The following RPS6KA2 variants were observed in gnomAD, a reference collection of about 807,000 sequenced individuals.
RPS6KA2 encodes ribosomal protein S6 kinase alpha-2.
A neutral mutation model predicts 91.8 loss-of-function variants in RPS6KA2; 42 were observed. The ratio of observed to expected loss-of-function variants is 0.46; its 90% CI spans 0.36 to 0.59. The LOEUF is 0.59. RPS6KA2 is among the 20% of genes least tolerant of loss of function. The pLI is 0.00. For synonymous variants in RPS6KA2, 414 were observed against 393.6 expected, an observed-to-expected ratio of 1.05 and a Z score of -0.61; for missense variants, 798 against 978.5, an observed-to-expected ratio of 0.82 and a Z score of 2.46.
chr6:166,603,125 C>T lies in RPS6KA2; in HGVS notation c.99+23796G>A, dbSNP rs1226384202. On this transcript the variant is annotated intron_variant, in intron 1 of 20. Transcript: ENST00000265678. The surrounding 1 kb of genome is among the most constrained non-coding windows in gnomAD (Gnocchi z 4.3). ...GCATCTGTTAAGTGTTAAGTTCTGA[C>T]ATGAGCTTAGTCTAAAAGGGATCTG... 6.6e-6 allele frequency among the ~76,000 whole-genome samples: 1 copy of T among 152,240 alleles called. No homozygotes were observed. The highest frequency in any genetic ancestry group is 1.5e-5 in the Non-Finnish European group (1 of 68,040).
chr6:166,743,897 C>T (rs747017254), intron 2 of RPS6KA2, among the ~76,000 whole-genome samples: 14 of 151,974 alleles, frequency 9.2e-5, no homozygotes, highest in East Asian at 3.9e-4. Context: ...GGTCAGTGCA[C>T]GGCACCATCT....
At chr6:166,462,742 C>T (rs778241408) in intron 11 of RPS6KA2, among the ~76,000 whole-genome samples, 21 of 152,338 alleles carry the variant, frequency 1.4e-4, no homozygotes, top group Non-Finnish European at 2.5e-4. Context: ...AGGAAGCCCG[C>T]CTCTGCTTTC....
At chr6:166,422,381 A>C (rs1382474913) in intron 17 of RPS6KA2, among the ~76,000 whole-genome samples, 1 of 152,126 alleles carries the variant, frequency 6.6e-6, no homozygotes, top group Non-Finnish European at 1.5e-5. Context: ...CAAGACCCAC[A>C]GTGAGATGCC....
Position 166,500,429 on chromosome 6 carries a change from G to C in RPS6KA2, c.604+458C>G, listed in dbSNP as rs1046985024. ...CACGTGGCCACCACCACGGTCCAGGGAGTGAGAAGGAGGCAGGGACAGCAT... is the reference window on the plus strand; with the variant it reads ...CACGTGGCCACCACCACGGTCCAGGCAGTGAGAAGGAGGCAGGGACAGCAT... On this transcript the variant is annotated intron_variant, in intron 7 of 20. Coordinates refer to ENST00000265678, the MANE Select transcript of RPS6KA2 (RefSeq NM_021135.6). The surrounding 1 kb of genome is among the most constrained non-coding windows in gnomAD (Gnocchi z 4.3). Among the ~76,000 whole-genome samples the C allele has an allele frequency of 1.3e-5, 2 of 152,184 alleles. No homozygotes were observed. Among genetic ancestry groups the C allele is most frequent in the African/African-American group, 4.8e-5 (2 of 41,444 alleles).
At chr6:166,697,290 G>A (rs1036941259) in intron 2 of RPS6KA2, among the ~76,000 whole-genome samples, 1 of 152,174 alleles carries the variant, frequency 6.6e-6, no homozygotes, top group African/African-American at 2.4e-5. Flanking sequence ...CCAAGAAATA[G>A]AAATGAAAGC....
At chr6:166,798,800 C>A (rs1779288535) in intron 2 of RPS6KA2, among the ~76,000 whole-genome samples, 1 of 152,210 alleles carries the variant, frequency 6.6e-6, no homozygotes, top group Admixed American at 6.5e-5. Flanking sequence ...GCATCTTGGA[C>A]CTCGCACCCA....
intron 2 of RPS6KA2, among the ~76,000 whole-genome samples, chr6:166,727,585 A>G (rs777269259): frequency 6.6e-6 from 1 of 151,928 alleles, no homozygotes; most frequent in South Asian, 2.1e-4. Context: ...CCCCTAAGGT[A>G]CAGCACCCTA....
In RPS6KA2 at chr6:166,538,754, T is replaced by C. The variant is rs377088777; in HGVS notation, c.130A>G (p.Ser44Gly). 73 of 1,608,178 alleles carry C rather than the reference T, an allele frequency of 4.5e-5. 1 individual carries two copies. Among genetic ancestry groups the C allele is most frequent in the Non-Finnish European group, 1.8e-5 (21 of 1,174,886 alleles). Residue 44 changes from serine (S) to glycine (G), a missense_variant, in exon 2 of 21, where the codon AGC (serine) becomes GGC (glycine). Transcript: ENST00000265678. ...TCAAAGCCCTCCTTCACATGATGGC[T>C]GATGTCTATCTCCTTCACGACGCCT... ...EEGVVKEIDI[S>G]HHVKEGFEKA...
intron 11 of RPS6KA2, among the ~76,000 whole-genome samples, chr6:166,464,185 G>T (rs545822287): frequency 6.6e-6 from 1 of 152,100 alleles, no homozygotes; most frequent in Non-Finnish European, 1.5e-5. Flanking sequence ...GAAGACCAAA[G>T]TGGCCTGAAG....
rs1185344355 is a variant in RPS6KA2, at chr6:166,542,838, T to C, written c.100-4054A>G. Among the ~76,000 whole-genome samples, 5 of 152,160 alleles carry C rather than the reference T, an allele frequency of 3.3e-5. No individual in the cohort carries two copies. In the East Asian group the frequency reaches 9.6e-4, roughly 29 times the overall value. The stretch of plus-strand genomic sequence containing the variant: ...GCTCTTCATGTCATTAAAGGGATAA[T>C]ATTTATAAAAAGTGCAAATTAAAAG... On this transcript the variant is annotated intron_variant, in intron 1 of 20. Coordinates refer to ENST00000265678, the MANE Select transcript of RPS6KA2 (RefSeq NM_021135.6).
chr6:166,586,239 T>C lies in RPS6KA2; in HGVS notation c.99+40682A>G, dbSNP rs111772597. The C allele has an allele frequency of 1.7e-3, 2,691 of 1,594,610 alleles. 16 individuals are homozygous for C. Among genetic ancestry groups the C allele is most frequent in the Non-Finnish European group, 1.7e-3 (1,999 of 1,179,542 alleles). On this transcript the variant is annotated intron_variant, in intron 1 of 20. Coordinates refer to ENST00000265678, the MANE Select transcript of RPS6KA2 (RefSeq NM_021135.6). ...ACCCCAGGATCGTCCATGCCACTGA[T>C]TGGATCGATTGTCACTTGGCCACCC...
In RPS6KA2 at chr6:166,495,927, G is replaced by A. The variant is rs967960890; in HGVS notation, c.747+2581C>T. Among the ~76,000 whole-genome samples, 4 of 152,314 alleles carry A rather than the reference G, an allele frequency of 2.6e-5. No homozygotes were observed. Among genetic ancestry groups the A allele is most frequent in the Non-Finnish European group, 4.4e-5 (3 of 68,030 alleles). The stretch of plus-strand genomic sequence containing the variant: ...TTTGCTGGAGCAAGGCGAGCCCGAC[G>A]TGGTCTCATTTCCTCTTCTTCTGGC... On this transcript the variant is annotated intron_variant, in intron 8 of 20. Coordinates refer to ENST00000265678, the MANE Select transcript of RPS6KA2 (RefSeq NM_021135.6). This position sits in a 1 kb window ranked among gnomAD's most constrained non-coding sequence, Gnocchi z 4.4.
intron 1 of RPS6KA2, among the ~76,000 whole-genome samples, chr6:166,593,981 C>A (rs933311957): frequency 6.6e-6 from 1 of 152,164 alleles, no homozygotes; most frequent in Non-Finnish European, 1.5e-5. Context: ...AATTCCATTC[C>A]CGACAATTTA....
intron 1 of RPS6KA2, among the ~76,000 whole-genome samples, chr6:166,576,008 T>C (rs993410436): frequency 3.9e-5 from 6 of 152,202 alleles, no homozygotes; most frequent in East Asian, 3.8e-4. Flanking sequence ...ATTTGAATCA[T>C]AGAGGTGGTT....
intron 2 of RPS6KA2, among the ~76,000 whole-genome samples, chr6:166,645,096 A>G (rs1009866146): frequency 6.6e-6 from 1 of 152,206 alleles, no homozygotes; most frequent in Non-Finnish European, 1.5e-5. Flanking sequence ...CTATTATTTT[A>G]AACTGTCCAA....
At chr6:166,765,215 A>G (rs1242093322) in intron 2 of RPS6KA2, among the ~76,000 whole-genome samples, 1 of 152,222 alleles carries the variant, frequency 6.6e-6, no homozygotes, top group Non-Finnish European at 1.5e-5. Context: ...CTGGACTCAT[A>G]AACAGTGCTC....
chr6:166,674,346 G>C (rs1788560411), intron 2 of RPS6KA2, among the ~76,000 whole-genome samples: 1 of 152,164 alleles, frequency 6.6e-6, no homozygotes, highest in Non-Finnish European at 1.5e-5. Flanking sequence ...CCTGGCTGAG[G>C]GGGACACAGG....
At chr6:166,734,565 CA>C (rs1208181790) in intron 2 of RPS6KA2, among the ~76,000 whole-genome samples, 30 of 152,242 alleles carry the variant, frequency 2.0e-4, no homozygotes, top group African/African-American at 7.2e-4. Context: ...TTTCATGTCC[CA>C]ATTAAGACAC....
chr6:166,485,650 A>C (rs1781382057), intron 10 of RPS6KA2, among the ~76,000 whole-genome samples: 1 of 152,190 alleles, frequency 6.6e-6, no homozygotes, highest in Non-Finnish European at 1.5e-5. Flanking sequence ...CTCAACTTGC[A>C]TCTGTCTCCA....
Sources: allele counts gnomAD v4.1 joint callset (sites outside exome capture counted in the v4.1 genomes callset), GRCh38; gene constraint gnomAD v4.1.1; non-coding constraint Gnocchi (gnomAD v3.1); transcripts MANE v1.5; gene names NCBI Gene and HGNC (gene_info 2026-07-23, HGNC 2026-07-21).